FBXL7: variants seen among roughly 807,000 people sequenced by gnomAD.
The protein encoded by FBXL7 is F-box and leucine rich repeat protein 7, also known as F-box/LRR-repeat protein 7.
Under a neutral mutation model 38.3 loss-of-function variants are expected in FBXL7, and 12 were observed. The observed-to-expected ratio is 0.31, with a 90% CI of 0.20 to 0.51. FBXL7 has a LOEUF of 0.51. Ranked by LOEUF, FBXL7 falls within the 20% of genes least tolerant of loss-of-function variation. The pLI is 0.98. For missense variants in FBXL7, 567 were observed against 676.4 expected, an observed-to-expected ratio of 0.84 and a Z score of 1.79; for synonymous variants, 297 against 300.9, an observed-to-expected ratio of 0.99 and a Z score of 0.13.
At chr5:15,880,150 G>A (rs1275754392) in intron 2 of FBXL7, among the ~76,000 whole-genome samples, 9 of 152,318 alleles carry the variant, frequency 5.9e-5, no homozygotes, top group Admixed American at 5.2e-4. Context: ...ACCTCTGGAA[G>A]TAGAGGGTGC....
At chr5:15,911,557 G>A (rs1208478925) in intron 2 of FBXL7, among the ~76,000 whole-genome samples, 1 of 116,524 alleles carries the variant, frequency 8.6e-6, no homozygotes, top group Non-Finnish European at 1.6e-5. Flanking sequence ...GCTTTGTTCT[G>A]TTGCTGGTGA....
At chr5:15,824,204 G>T (rs941691903) in intron 2 of FBXL7, among the ~76,000 whole-genome samples, 8 of 151,340 alleles carry the variant, frequency 5.3e-5, no homozygotes, top group African/African-American at 1.7e-4. Flanking sequence ...GCTGAGGCAG[G>T]AGAATTGCTT....
At chr5:15,682,692 A>G (rs766206125) in intron 2 of FBXL7, among the ~76,000 whole-genome samples, 3 of 152,176 alleles carry the variant, frequency 2.0e-5, no homozygotes, top group Non-Finnish European at 4.4e-5. Flanking sequence ...CTAAATGATA[A>G]CACATTTCCT....
At chr5:15,502,510 T>TA (rs1351831504) in intron 1 of FBXL7, among the ~76,000 whole-genome samples, 1 of 152,200 alleles carries the variant, frequency 6.6e-6, no homozygotes, top group Non-Finnish European at 1.5e-5. Context: ...GTGGACTTTT[T>TA]ATAGGAAAAA....
At chr5:15,579,886 G>A (rs1274511977) in intron 1 of FBXL7, among the ~76,000 whole-genome samples, 1 of 152,160 alleles carries the variant, frequency 6.6e-6, no homozygotes, top group Non-Finnish European at 1.5e-5. Context: ...GGGCAGCCAA[G>A]CTGCTTACAT....
In FBXL7 at chr5:15,719,926, A is replaced by G. The variant is rs890456834; in HGVS notation, c.127+103854A>G. Among the ~76,000 whole-genome samples, 7 of 148,900 alleles carry G rather than the reference A, an allele frequency of 4.7e-5. 1 individual carries two copies. The highest frequency in any genetic ancestry group is 2.0e-4 in the Admixed American group (3 of 14,728). On this transcript the variant is annotated intron_variant, in intron 2 of 3. Transcript: ENST00000504595. Reference sequence around the variant, plus strand: ...TAATAAGGCCAATCAGCTGATAGCCATTCACTGACTTGTAGAGACTTGCCA... The same window carrying G: ...TAATAAGGCCAATCAGCTGATAGCCGTTCACTGACTTGTAGAGACTTGCCA...
chr5:15,819,340 G>A (rs1280707839), intron 2 of FBXL7, among the ~76,000 whole-genome samples: 1 of 151,854 alleles, frequency 6.6e-6, no homozygotes, highest in Non-Finnish European at 1.5e-5. Flanking sequence ...AAGGTCTGTA[G>A]CTGTATGAAA....
At position 15,526,798 on chromosome 5, in the gene FBXL7, C is replaced by A. The variant is rs555057259; in HGVS notation, c.37+26085C>A. On this transcript the variant is annotated intron_variant, in intron 1 of 3. Transcript: ENST00000504595. ...GAATTAAGGGGTCTAAAAGTTTATA[C>A]CTCATTTTAGACTGTTCTGAGCACA... is the stretch of plus-strand genomic sequence containing the variant. Among the ~76,000 whole-genome samples, 13 of 152,272 alleles carry A rather than the reference C, an allele frequency of 8.5e-5. No individual in the cohort carries two copies. The South Asian group carries it at 1.9e-3, about 22-fold the overall frequency.
intron 2 of FBXL7, among the ~76,000 whole-genome samples, chr5:15,707,102 A>G (rs1168090853): frequency 6.6e-6 from 1 of 151,590 alleles, no homozygotes; most frequent in Non-Finnish European, 1.5e-5. Context: ...CATTGGGACA[A>G]GGATATCATC....
rs1250640141 is a variant in FBXL7 at position 15,936,096 on chromosome 5, A to C, written c.740-354A>C. 6.6e-6 allele frequency among the ~76,000 whole-genome samples: 1 copy of C among 152,162 alleles called. No homozygotes were observed. Among genetic ancestry groups the C allele is most frequent in the African/African-American group, 2.4e-5 (1 of 41,436 alleles). On this transcript the variant is annotated intron_variant, in intron 3 of 3. Coordinates refer to ENST00000504595, the MANE Select transcript of FBXL7 (RefSeq NM_012304.5). This position sits in a 1 kb window ranked among gnomAD's most constrained non-coding sequence, Gnocchi z 6.0. ...ACACATCCTCTCATTACTCCATCCC[A>C]GCTGCCTCCCAGGGAATGGGATCCT...
intron 2 of FBXL7, among the ~76,000 whole-genome samples, chr5:15,742,599 T>TTGGA (rs2126676588): frequency 6.6e-6 from 1 of 152,368 alleles, no homozygotes; most frequent in Admixed American, 6.5e-5. Flanking sequence ...GACTACATTG[T>TTGGA]AATTTGCATT....
At chr5:15,733,770 ATATT>A (rs1448294747) in intron 2 of FBXL7, among the ~76,000 whole-genome samples, 2 of 152,226 alleles carry the variant, frequency 1.3e-5, no homozygotes, top group African/African-American at 4.8e-5. Context: ...TGTTTTGTAA[ATATT>A]TATTTTTTAA....
At chr5:15,630,493 T>C (rs80185052) in intron 2 of FBXL7, among the ~76,000 whole-genome samples, 1 of 151,950 alleles carries the variant, frequency 6.6e-6, no homozygotes, top group South Asian at 2.1e-4. Flanking sequence ...TTTTTTTTTT[T>C]GGTTCACTGA....
At chr5:15,913,893 C>T (rs1046526094) in intron 2 of FBXL7, among the ~76,000 whole-genome samples, 3 of 152,158 alleles carry the variant, frequency 2.0e-5, no homozygotes, top group Non-Finnish European at 2.9e-5. Flanking sequence ...CAAAGAGAAG[C>T]CAGTTCCAGT....
At chr5:15,580,587 C>G (rs776045060) in intron 1 of FBXL7, 40 of 976,540 alleles carry the variant, frequency 4.1e-5, no homozygotes, top group Non-Finnish European at 4.7e-5. Context: ...ACAAATCTTG[C>G]ACTATTTGAC....
intron 2 of FBXL7, among the ~76,000 whole-genome samples, chr5:15,791,784 C>A (rs898021914): frequency 2.0e-5 from 3 of 152,144 alleles, no homozygotes; most frequent in Non-Finnish European, 4.4e-5. Flanking sequence ...TCCTTCCCAG[C>A]CTGTTTCTGC....
chr5:15,548,004 T>C (rs1561023364), intron 1 of FBXL7, among the ~76,000 whole-genome samples: 1 of 152,140 alleles, frequency 6.6e-6, no homozygotes, highest in Non-Finnish European at 1.5e-5. Flanking sequence ...AGGATGTAGG[T>C]GGCAGATCCT....
At chr5:15,544,347 C>T (rs376193784) in intron 1 of FBXL7, among the ~76,000 whole-genome samples, 3 of 152,192 alleles carry the variant, frequency 2.0e-5, no homozygotes, top group East Asian at 1.9e-4. Flanking sequence ...TGTTTCAGTA[C>T]GTCAAGGGAA....
intron 2 of FBXL7, among the ~76,000 whole-genome samples, chr5:15,656,766 G>GA (rs550652996): frequency 2.9e-4 from 42 of 146,154 alleles, no homozygotes; most frequent in East Asian, 1.4e-3. Context: ...TGTATAATTT[G>GA]AAAAAAAAAA....
Sources: allele counts gnomAD v4.1 joint callset (sites outside exome capture counted in the v4.1 genomes callset), GRCh38; gene constraint gnomAD v4.1.1; non-coding constraint Gnocchi (gnomAD v3.1); transcripts MANE v1.5; gene names NCBI Gene and HGNC (gene_info 2026-07-23, HGNC 2026-07-21).